The following CCDC150 variants were observed in gnomAD, a reference collection of about 807,000 sequenced individuals.
CCDC150 encodes the protein coiled-coil domain-containing protein 150.
In CCDC150, 151 loss-of-function variants were observed where a neutral mutation model predicts 156.5. The ratio of observed to expected loss-of-function variants is 0.97; its 90% CI spans 0.85 to 1.10. The LOEUF (loss-of-function observed/expected upper bound fraction) is 1.10. Among genes scored for constraint, CCDC150 ranks in the 50% least tolerant of loss-of-function variants. CCDC150 has a pLI of 0.00. For synonymous variants in CCDC150, 452 were observed against 429.4 expected (o/e 1.05, Z -0.65); for missense variants, 1,312 against 1,268.1 (o/e 1.03, Z -0.53).
Position 196,677,291 on chromosome 2 carries a change from A to G in CCDC150, c.1441-2A>G, listed in dbSNP as rs1417186864. 11 of 1,563,198 alleles carry G rather than the reference A, an allele frequency of 7.0e-6. No homozygotes were observed. The highest frequency in any genetic ancestry group is 1.4e-5 in the African/African-American group (1 of 73,686). On this transcript the variant is annotated splice_acceptor_variant, in intron 12 of 27. Transcript: ENST00000389175. LOFTEE classifies it high-confidence loss of function. ...CTTTTTTTTCCCATCCTCCTTGGGCAGGTTAATAAAACAGAAAAAGAAATA... is the reference window on the plus strand; with the variant it reads ...CTTTTTTTTCCCATCCTCCTTGGGCGGGTTAATAAAACAGAAAAAGAAATA...
chr2:196,705,058 G>A (rs1696520376), intron 15 of CCDC150, among the ~76,000 whole-genome samples: 1 of 152,136 alleles, frequency 6.6e-6, no homozygotes, highest in Non-Finnish European at 1.5e-5. Context: ...AATCCTTTGG[G>A]TATATACCCA....
chr2:196,723,118 C>A (rs1187198630), intron 21 of CCDC150, among the ~76,000 whole-genome samples: 16 of 152,162 alleles, frequency 1.1e-4, no homozygotes, highest in Non-Finnish European at 2.2e-4. Context: ...GGAGAACTTG[C>A]TGGGTTTCAG....
intron 15 of CCDC150, among the ~76,000 whole-genome samples, chr2:196,708,812 T>G: frequency 6.6e-6 from 1 of 152,240 alleles, no homozygotes; most frequent in East Asian, 1.9e-4. Flanking sequence ...AATTCTTTTC[T>G]TTAAGAATGT....
At chr2:196,654,948 T>C (rs1380191994) in intron 2 of CCDC150, among the ~76,000 whole-genome samples, 2 of 152,210 alleles carry the variant, frequency 1.3e-5, no homozygotes, top group Non-Finnish European at 2.9e-5. Flanking sequence ...ATCTCTGTTT[T>C]TGGTGGCCCC....
chr2:196,656,854 G>A lies in CCDC150; in HGVS notation c.397+1G>A, dbSNP rs776986542. On this transcript the variant is annotated splice_donor_variant, in intron 3 of 27. Transcript: ENST00000389175. LOFTEE classifies it high-confidence loss of function. ...AAGGATTTGAATCCTCAGAAAACAG[G>A]TATAGAGATAAGAATCATCAGAAAT... is the stretch of plus-strand genomic sequence containing the variant. 3.1e-6 allele frequency: 5 copies of A among 1,613,424 alleles called. No homozygotes were observed. The highest frequency in any genetic ancestry group is 1.1e-5 in the South Asian group (1 of 91,070).
At chr2:196,684,843 T>C (rs1031677798) in intron 13 of CCDC150, among the ~76,000 whole-genome samples, 1 of 152,134 alleles carries the variant, frequency 6.6e-6, no homozygotes, top group South Asian at 2.1e-4. Flanking sequence ...TTGTCTAATA[T>C]TAGTACAATC....
chr2:196,702,110 C>T (rs1180702355), intron 15 of CCDC150, among the ~76,000 whole-genome samples: 1 of 151,972 alleles, frequency 6.6e-6, no homozygotes, highest in Non-Finnish European at 1.5e-5. Flanking sequence ...ATGGCAAGCG[C>T]CTGTAATCCT....
intron 15 of CCDC150, 119 bp downstream of exon 15, chr2:196,701,299 G>A (rs771586768): frequency 8.8e-5 from 63 of 716,000 alleles, no homozygotes; most frequent in Non-Finnish European, 1.4e-4. Context: ...TATAGTCTCT[G>A]AACATCCTTA....
At chr2:196,688,007 C>T (rs1695217138) in intron 13 of CCDC150, among the ~76,000 whole-genome samples, 1 of 152,064 alleles carries the variant, frequency 6.6e-6, no homozygotes, top group Non-Finnish European at 1.5e-5. Flanking sequence ...TTACTGTAGC[C>T]CTGTAGCATA....
intron 2 of CCDC150, among the ~76,000 whole-genome samples, chr2:196,655,709 G>C (rs1421783632): frequency 6.6e-6 from 1 of 152,092 alleles, no homozygotes; most frequent in Non-Finnish European, 1.5e-5. Context: ...ATTGTGATCT[G>C]GGGAGATTCT....
At chr2:196,644,574 G>A (rs1692423699) in intron 1 of CCDC150, among the ~76,000 whole-genome samples, 1 of 151,872 alleles carries the variant, frequency 6.6e-6, no homozygotes, top group Non-Finnish European at 1.5e-5. Context: ...TCCCAGAAAT[G>A]TAGAGGAGCC....
intron 13 of CCDC150, among the ~76,000 whole-genome samples, chr2:196,693,288 T>C (rs2125648911): frequency 6.6e-6 from 1 of 152,358 alleles, no homozygotes; most frequent in South Asian, 2.1e-4. Flanking sequence ...CACATGTCGG[T>C]AAATGAACAT....
In CCDC150 at chr2:196,712,231, T is replaced by G. The variant is rs773439339; in HGVS notation, c.1782T>G (p.Tyr594Ter). The change falls in exon 16 of 28, where the codon TAT (tyrosine) becomes TAG (stop). Residue 594 changes from tyrosine (Y) to a stop codon, truncating the protein, a stop_gained. Transcript: ENST00000389175. LOFTEE classifies it high-confidence loss of function. ...ATCATCTACGCAAGATGAATAAGTA[T>G]TTACAGACTAAATATGCTCAGGTGT... is the stretch of plus-strand genomic sequence containing the variant. ...QNDHLRKMNK[Y>*]LQTKYAQANS... is the part of the protein sequence containing the mutation. 4.5e-6 allele frequency: 7 copies of G among 1,553,240 alleles called. No homozygotes were observed. The highest frequency in any genetic ancestry group is 3.6e-5 in the South Asian group (3 of 82,652).
chr2:196,646,229 C>G, intron 1 of CCDC150, 112 bp from the exon 2 acceptor site: 1 of 955,502 alleles, frequency 1.0e-6, no homozygotes, highest in Non-Finnish European at 1.6e-6. Context: ...GAACACATCA[C>G]CATTCCTGAG....
chr2:196,722,277 T>C (rs1697964482), intron 21 of CCDC150, among the ~76,000 whole-genome samples: 1 of 152,106 alleles, frequency 6.6e-6, no homozygotes, highest in African/African-American at 2.4e-5. Context: ...TATTCCTTTT[T>C]ATTTATTTAT....
At chr2:196,661,230 A>G (rs1043324831) in intron 5 of CCDC150, among the ~76,000 whole-genome samples, 1 of 152,226 alleles carries the variant, frequency 6.6e-6, no homozygotes, top group African/African-American at 2.4e-5. Context: ...GAAAGGGTGT[A>G]TTAGTTTGCT....
chr2:196,712,590 A>G, intron 16 of CCDC150, 87 bp from the exon 17 acceptor site: 1 of 818,488 alleles, frequency 1.2e-6, no homozygotes, highest in East Asian at 2.6e-5. Flanking sequence ...TATGAGTAGA[A>G]GCAGTGAGAA....
At position 196,658,866 on chromosome 2, in the gene CCDC150, A is replaced by G; in HGVS notation, c.645+6A>G. 1 of 1,590,596 alleles carries G rather than the reference A, an allele frequency of 6.3e-7. No individual in the cohort carries two copies. The highest frequency in any genetic ancestry group is 1.7e-4 in the Middle Eastern group (1 of 6,032). ...TGAACCTTAAAATTCAAGAGGTAAGACAAAAAGATGGAGGGTGGAGGAGGT... is the reference window on the plus strand; with the variant it reads ...TGAACCTTAAAATTCAAGAGGTAAGGCAAAAAGATGGAGGGTGGAGGAGGT... On this transcript the variant is annotated splice_donor_region_variant and intron_variant, in intron 5 of 27. Transcript: ENST00000389175.
In CCDC150 at chr2:196,657,136, G is replaced by T; in HGVS notation, c.576G>T (p.Lys192Asn). The change falls in exon 4 of 28, where the codon AAG becomes AAT. Residue 192 changes from lysine (K) to asparagine (N), a missense_variant and splice_region_variant. Lys to Asn is a moderately conservative substitution (Grantham distance 94, BLOSUM62 0). Coordinates refer to ENST00000389175, the MANE Select transcript of CCDC150 (RefSeq NM_001080539.2). ...CTCTGAAGATTGCCTCGCAGACAAA[G>T]GTTTGAGTCTAAGAGTTCTGAAGTA... ...TATLKIASQT[K>N]KNAAIIEEEL... 6.2e-7 allele frequency: 1 copy of T among 1,613,458 alleles called. No individual in the cohort carries two copies. Among genetic ancestry groups the T allele is most frequent in the Non-Finnish European group, 8.5e-7 (1 of 1,179,566 alleles).
Sources: gnomAD v4.1 joint callset for allele counts (sites outside exome capture counted in the v4.1 genomes callset) on GRCh38, gnomAD v4.1.1 for gene constraint, MANE v1.5 for transcripts, NCBI Gene and HGNC (gene_info 2026-07-23, HGNC 2026-07-21) for gene names.